GNB4: variants seen among roughly 807,000 people sequenced by gnomAD.
The protein encoded by GNB4 is G protein subunit beta 4, also known as guanine nucleotide-binding protein subunit beta-4.
A neutral mutation model predicts 45.2 loss-of-function variants in GNB4; 28 were observed. That is an observed-to-expected ratio of 0.62 (90% confidence interval 0.46 to 0.85). The LOEUF (loss-of-function observed/expected upper bound fraction) is 0.85. Among genes scored for constraint, GNB4 ranks in the 40% least tolerant of loss-of-function variants. The pLI is 0.00. For missense variants in GNB4, 321 were observed against 425.4 expected, an observed-to-expected ratio of 0.75 and a Z score of 2.16; for synonymous variants, 132 against 143.7, an observed-to-expected ratio of 0.92 and a Z score of 0.58.
Position 179,399,451 on chromosome 3 carries a change from C to T in GNB4, c.*1762G>A, listed in dbSNP as rs1212381221. 6.6e-6 allele frequency: 1 copy of T among 152,204 alleles called. No homozygotes were observed. Among genetic ancestry groups the T allele is most frequent in the East Asian group, 1.9e-4 (1 of 5,202 alleles). 9.4% of individuals were successfully genotyped at this position (152,204 alleles called of 1,614,324 possible). The stretch of plus-strand genomic sequence containing the variant: ...CTCCTGACCTCAAGTGATCTGCCCA[C>T]CTTGGCCTCCCAAATTGCTGGGATT... On this transcript the variant is annotated 3_prime_UTR_variant, in exon 10 of 10. Coordinates refer to ENST00000232564, the MANE Select transcript of GNB4 (RefSeq NM_021629.4).
intron 1 of GNB4, among the ~76,000 whole-genome samples, chr3:179,432,986 G>T (rs530417175): frequency 1.3e-5 from 2 of 152,276 alleles, no homozygotes; most frequent in East Asian, 3.9e-4. Context: ...TCTTAGCCAG[G>T]CGGACTAACT....
chr3:179,475,455 T>TATTTC, the GNB4 span, among the ~76,000 whole-genome samples: 2 of 151,280 alleles, frequency 1.3e-5, no homozygotes, highest in African/African-American at 4.9e-5. Flanking sequence ...TATTTTATTT[T>TATTTC]ATTTCATTTA....
At chr3:179,519,673 C>G in the GNB4 span, among the ~76,000 whole-genome samples, 1 of 152,268 alleles carries the variant, frequency 6.6e-6, no homozygotes, top group Non-Finnish European at 1.5e-5. Flanking sequence ...TAGGCTACAG[C>G]CACACCTCGT....
At chr3:179,434,877 G>A (rs920349178) in intron 1 of GNB4, among the ~76,000 whole-genome samples, 4 of 151,464 alleles carry the variant, frequency 2.6e-5, no homozygotes, top group African/African-American at 4.9e-5. Flanking sequence ...CTGCACCACT[G>A]TACTCCAGCC....
At chr3:179,463,983 C>T in the GNB4 span, among the ~76,000 whole-genome samples, 31 of 152,294 alleles carry the variant, frequency 2.0e-4, no homozygotes, top group South Asian at 6.2e-3. Flanking sequence ...TAAATATTCT[C>T]ACTAAAAAGA....
intron 1 of GNB4, among the ~76,000 whole-genome samples, chr3:179,431,794 C>A (rs1386335298): frequency 6.6e-6 from 1 of 152,108 alleles, no homozygotes; most frequent in East Asian, 1.9e-4. Flanking sequence ...TTTCTTTGTG[C>A]TACTATCAGT....
At chr3:179,468,035 A>AAAAATATATATATATATAT in the GNB4 span, among the ~76,000 whole-genome samples, 11 of 89,846 alleles carry the variant, frequency 1.2e-4, no homozygotes, top group South Asian at 4.5e-4. Flanking sequence ...TGTTGATAAA[A>AAAAATATATATATATATAT]ATATATATAT....
At chr3:179,427,785 A>G (rs1715189928) in intron 1 of GNB4, among the ~76,000 whole-genome samples, 3 of 152,204 alleles carry the variant, frequency 2.0e-5, no homozygotes, top group Non-Finnish European at 4.4e-5. Flanking sequence ...TCACAGAACC[A>G]AAAGACAGGA....
the GNB4 span, among the ~76,000 whole-genome samples, chr3:179,465,868 G>A: frequency 3.6e-3 from 507 of 142,194 alleles, 6 homozygotes; most frequent in South Asian, 0.011. Flanking sequence ...ATGTTGCCTG[G>A]GCTGGTATTG....
the GNB4 span, among the ~76,000 whole-genome samples, chr3:179,479,467 A>G: frequency 1.3e-5 from 2 of 152,222 alleles, no homozygotes; most frequent in Non-Finnish European, 2.9e-5. Flanking sequence ...GTTGAAAACT[A>G]TTTGGGAGAA....
chr3:179,489,224 G>A, the GNB4 span, among the ~76,000 whole-genome samples: 1 of 150,734 alleles, frequency 6.6e-6, no homozygotes, highest in Non-Finnish European at 1.5e-5. Flanking sequence ...AATAAAAAAT[G>A]GAAAATAAAA....
At chr3:179,447,301 A>G (rs1483192453) in intron 1 of GNB4, among the ~76,000 whole-genome samples, 1 of 150,190 alleles carries the variant, frequency 6.7e-6, no homozygotes, top group African/African-American at 2.5e-5. Flanking sequence ...AGATGAGACT[A>G]GAAGGGTGTG....
At chr3:179,402,327 G>C (rs192560859) in intron 9 of GNB4, among the ~76,000 whole-genome samples, 155 of 152,292 alleles carry the variant, frequency 1.0e-3, no homozygotes, top group African/African-American at 3.7e-3. Flanking sequence ...AAGCATATAA[G>C]TGTGGACAAC....
At chr3:179,521,776 C>T in the GNB4 span, among the ~76,000 whole-genome samples, 3 of 152,090 alleles carry the variant, frequency 2.0e-5, no homozygotes, top group Non-Finnish European at 4.4e-5. Flanking sequence ...CCTTTAATAC[C>T]TGTTTTTCTC....
the GNB4 span, among the ~76,000 whole-genome samples, chr3:179,484,298 C>T: frequency 5.3e-5 from 8 of 152,320 alleles, no homozygotes; most frequent in South Asian, 6.2e-4. Flanking sequence ...TATGACCCTT[C>T]GGGTTCTGTT....
intron 2 of GNB4, 101 bp downstream of exon 2, chr3:179,426,043 G>T: frequency 1.2e-6 from 1 of 868,494 alleles, no homozygotes; most frequent in Non-Finnish European, 1.8e-6. Flanking sequence ...ACCATTTCTA[G>T]CCTTAGAAAT....
the GNB4 span, among the ~76,000 whole-genome samples, chr3:179,493,502 A>G: frequency 6.6e-6 from 1 of 151,170 alleles, no homozygotes; most frequent in Non-Finnish European, 1.5e-5. Context: ...CTCAAGCACA[A>G]GTCTTTTGAA....
chr3:179,468,411 C>T, the GNB4 span, among the ~76,000 whole-genome samples: 1 of 151,792 alleles, frequency 6.6e-6, no homozygotes, highest in Non-Finnish European at 1.5e-5. Flanking sequence ...AGGAGAATCG[C>T]TTGAACCCGG....
chr3:179,459,985 C>CT, the GNB4 span, among the ~76,000 whole-genome samples: 1 of 152,206 alleles, frequency 6.6e-6, no homozygotes, highest in Admixed American at 6.5e-5. Flanking sequence ...CTCAGCTAAT[C>CT]TTTTCCCCTC....
Sources: gnomAD v4.1 joint callset for allele counts (sites outside exome capture counted in the v4.1 genomes callset) on GRCh38, gnomAD v4.1.1 for gene constraint, MANE v1.5 for transcripts, NCBI Gene and HGNC (gene_info 2026-07-23, HGNC 2026-07-21) for gene names.